FZD7: variants seen among roughly 807,000 people sequenced by gnomAD.
The protein encoded by FZD7 is frizzled-7.
A neutral mutation model predicts 39.0 loss-of-function variants in FZD7; 21 were observed. The ratio of observed to expected loss-of-function variants is 0.54; its 90% confidence interval spans 0.38 to 0.78. FZD7 has a LOEUF of 0.78. Ranked by LOEUF, FZD7 falls within the 30% of genes least tolerant of loss-of-function variation. The pLI, the probability that FZD7 is intolerant of heterozygous loss-of-function variation, is 0.00. For synonymous variants in FZD7, 428 were observed against 364.9 expected (o/e 1.17, Z -1.97); for missense variants, 695 against 805.0 (o/e 0.86, Z 1.65).
In FZD7 at chr2:202,034,001, G is replaced by A. The variant is rs555538310; in HGVS notation, c.-647G>A. 2.6e-5 allele frequency among the ~76,000 whole-genome samples: 4 copies of A among 151,926 alleles called. No homozygotes were observed. In the South Asian group the frequency reaches 8.3e-4, roughly 31 times the overall value. ...GCGGTTTCGGACGCAGTGTGACTGG[G>A]TTTCCAAAAAGAACTCGCCGTGCTC... On this transcript the variant is annotated 5_prime_UTR_variant, in exon 1 of 1. Transcript: ENST00000286201.
At position 202,035,274 on chromosome 2, in the gene FZD7, A is replaced by ATGCCCCCGTCAGCTCAAGG. The variant is rs1688719229; in HGVS notation, c.637_655dup (p.Tyr219SerfsTer15). 1 of 1,605,404 alleles carries ATGCCCCCGTCAGCTCAAGG rather than the reference A, an allele frequency of 6.2e-7. No individual in the cohort carries two copies. The highest frequency in any genetic ancestry group is 1.3e-5 in the African/African-American group (1 of 74,894). ...GGGGGCGTCCCGCCTTCCCCTTCTC[A>ATGCCCCCGTCAGCTCAAGG]TGCCCCCGTCAGCTCAAGGTGCCCC... On this transcript the variant is annotated frameshift_variant, in exon 1 of 1. Transcript: ENST00000286201. LOFTEE classifies it high-confidence loss of function.
At position 202,036,183 on chromosome 2, in the gene FZD7, C is replaced by G. The variant is rs143528185; in HGVS notation, c.1536C>G (p.Ala512=). 2.2e-5 allele frequency: 35 copies of G among 1,613,408 alleles called. No individual in the cohort carries two copies. The highest frequency in any genetic ancestry group is 2.8e-5 in the Non-Finnish European group (33 of 1,180,030). ...TWLLQTCKSY[A]VPCPPGHFPP... The stretch of plus-strand genomic sequence containing the variant: ...TCCTGCAGACGTGCAAGAGCTATGC[C>G]GTGCCCTGCCCGCCCGGCCACTTCC... Residue 512 remains alanine (A), a synonymous_variant, in exon 1 of 1, where the codon GCC becomes GCG. Transcript: ENST00000286201.
Position 202,034,716 on chromosome 2 carries a change from G to A in FZD7, c.69G>A (p.Leu23=). Residue 23 remains leucine, a synonymous_variant, in exon 1 of 1, where the codon CTG becomes CTA. Coordinates refer to ENST00000286201, the MANE Select transcript of FZD7 (RefSeq NM_003507.2). ...TCTGTGCCCTGGTGCTGGCGCTGCT[G>A]GGCGCACTGTCCGCGGGCGCCGGGG... ...LGLCALVLAL[L]GALSAGAGAQ... 6.2e-7 allele frequency: 1 copy of A among 1,610,894 alleles called. No individual in the cohort carries two copies. Among genetic ancestry groups the A allele is most frequent in the Non-Finnish European group, 8.5e-7 (1 of 1,179,588 alleles).
rs1225758862 is a variant in FZD7, at chr2:202,034,664, C to T, written c.17C>T (p.Ala6Val). The T allele has an allele frequency of 6.4e-7, 1 of 1,573,612 alleles. No individual in the cohort carries two copies. The change falls in exon 1 of 1, where the codon GCG (alanine) becomes GTG (valine). Residue 6 changes from alanine (A) to valine (V), a missense_variant. Transcript: ENST00000286201. ...CGGCCGGCGATGCGGGACCCCGGCG[C>T]GGCCGCTCCGCTTTCGTCCCTGGGC... Reference protein sequence around the residue: MRDPGAAAPLSSLGLC... With the variant: MRDPGVAAPLSSLGLC...
chr2:202,034,602 C>G lies in FZD7; in HGVS notation c.-46C>G, dbSNP rs377092100. 1.4e-6 allele frequency: 2 copies of G among 1,473,564 alleles called. No homozygotes were observed. Among genetic ancestry groups the G allele is most frequent in the African/African-American group, 1.5e-5 (1 of 68,510 alleles). 91.3% of individuals were successfully genotyped at this position (1,473,564 alleles called of 1,614,324 possible). A position where few individuals can be genotyped will look rare whatever the true frequency, so the allele number is the denominator to read the frequency against. On this transcript the variant is annotated 5_prime_UTR_variant, in exon 1 of 1. Coordinates refer to ENST00000286201, the MANE Select transcript of FZD7 (RefSeq NM_003507.2). ...GCATCCAAGCCTCTCCCAACCGCCT[C>G]GTCGCACTCCTCAGGCTGAGAGCAC... is the stretch of plus-strand genomic sequence containing the variant.
In FZD7 at chr2:202,034,944, C is replaced by A; in HGVS notation, c.297C>A (p.Arg99=). The change falls in exon 1 of 1, where the codon CGC becomes CGA. Residue 99 remains arginine (R), a synonymous_variant. Coordinates refer to ENST00000286201, the MANE Select transcript of FZD7 (RefSeq NM_003507.2). ...LVKVQCSPEL[R]FFLCSMYAPV... ...AGGTGCAGTGTTCTCCCGAACTCCG[C>A]TTTTTCTTATGCTCCATGTATGCGC... 1.2e-6 allele frequency: 2 copies of A among 1,614,210 alleles called. No homozygotes were observed. Among genetic ancestry groups the A allele is most frequent in the Non-Finnish European group, 1.7e-6 (2 of 1,180,022 alleles).
At position 202,036,181 on chromosome 2, in the gene FZD7, G is replaced by C; in HGVS notation, c.1534G>C (p.Ala512Pro). The C allele has an allele frequency of 6.2e-7, 1 of 1,613,508 alleles. No individual in the cohort carries two copies. Among genetic ancestry groups the C allele is most frequent in the South Asian group, 1.1e-5 (1 of 91,074 alleles). The change falls in exon 1 of 1, where the codon GCC (alanine) becomes CCC (proline). Residue 512 changes from alanine to proline, a missense_variant. By Grantham distance (27) the Ala-to-Pro change is conservative. Transcript: ENST00000286201. ...GCTCCTGCAGACGTGCAAGAGCTATGCCGTGCCCTGCCCGCCCGGCCACTT... is the reference window on the plus strand; with the variant it reads ...GCTCCTGCAGACGTGCAAGAGCTATCCCGTGCCCTGCCCGCCCGGCCACTT... Reference protein sequence around the residue: ...TWLLQTCKSYAVPCPPGHFPP... With the variant: ...TWLLQTCKSYPVPCPPGHFPP...
In FZD7 at chr2:202,035,293, G is replaced by C; in HGVS notation, c.646G>C (p.Val216Leu). The change falls in exon 1 of 1, where the codon GTG becomes CTG. Residue 216 changes from valine (V) to leucine (L), a missense_variant. By Grantham distance (32) the Val-to-Leu change is conservative. Coordinates refer to ENST00000286201, the MANE Select transcript of FZD7 (RefSeq NM_003507.2). ...FPFSCPRQLK[V>L]PPYLGYRFLG... is the part of the protein sequence containing the mutation. ...CTTCTCATGCCCCCGTCAGCTCAAG[G>C]TGCCCCCGTACCTGGGCTACCGCTT... is the stretch of plus-strand genomic sequence containing the variant. 6.2e-7 allele frequency: 1 copy of C among 1,608,632 alleles called. No individual in the cohort carries two copies. Among genetic ancestry groups the C allele is most frequent in the South Asian group, 1.1e-5 (1 of 90,938 alleles).
rs749054651 is a variant in FZD7, at chr2:202,035,794, C to G, written c.1147C>G (p.Leu383Val). 2 of 1,614,164 alleles carry G rather than the reference C, an allele frequency of 1.2e-6. No homozygotes were observed. The highest frequency in any genetic ancestry group is 1.7e-6 in the Non-Finnish European group (2 of 1,180,028). ...AIEANSQYFHLAAWAVPAVKT... is the reference protein window; with the variant it reads ...AIEANSQYFHVAAWAVPAVKT... ...CGAGGCCAACTCGCAGTACTTCCACCTGGCCGCGTGGGCCGTGCCCGCCGT... is the reference window on the plus strand; with the variant it reads ...CGAGGCCAACTCGCAGTACTTCCACGTGGCCGCGTGGGCCGTGCCCGCCGT... Residue 383 changes from leucine to valine, a missense_variant, in exon 1 of 1, where the codon CTG (leucine) becomes GTG (valine). Coordinates refer to ENST00000286201, the MANE Select transcript of FZD7 (RefSeq NM_003507.2).
Position 202,033,906 on chromosome 2 carries a change from C to A in FZD7, c.-742C>A, listed in dbSNP as rs985054112. 2.0e-5 allele frequency among the ~76,000 whole-genome samples: 3 copies of A among 147,526 alleles called. No homozygotes were observed. The highest frequency in any genetic ancestry group is 3.0e-5 in the Non-Finnish European group (2 of 66,614). On this transcript the variant is annotated 5_prime_UTR_variant, in exon 1 of 1. Transcript: ENST00000286201. ...CGGCGGCGGCGGCGGCGGCGGCGGG[C>A]GCCAGGACTCGCTGCTGGGGCTGCG... is the stretch of plus-strand genomic sequence containing the variant.
In FZD7 at chr2:202,037,587, A is replaced by AT. The variant is rs1688766652; in HGVS notation, c.*1222dup. On this transcript the variant is annotated 3_prime_UTR_variant, in exon 1 of 1. Transcript: ENST00000286201. ...AAGCCTATATTTAGGTTTCTTTTCTATTTTTTTCTCCCATTTGGATCCTTT... is the reference window on the plus strand; with the variant it reads ...AAGCCTATATTTAGGTTTCTTTTCTATTTTTTTTCTCCCATTTGGATCCTTT... The AT allele has an allele frequency of 6.0e-6, 1 of 166,184 alleles. No homozygotes were observed. The highest frequency in any genetic ancestry group is 1.5e-5 in the Non-Finnish European group (1 of 67,966). The allele number at this position is 166,184 out of a possible 1,614,324, so 10.3% of individuals were successfully genotyped here.
Position 202,034,283 on chromosome 2 carries a change from G to A in FZD7, c.-365G>A, listed in dbSNP as rs904701929. 2.6e-5 allele frequency among the ~76,000 whole-genome samples: 4 copies of A among 151,618 alleles called. No individual in the cohort carries two copies. Among genetic ancestry groups the A allele is most frequent in the East Asian group, 3.9e-4 (2 of 5,138 alleles). On this transcript the variant is annotated 5_prime_UTR_variant, in exon 1 of 1. Transcript: ENST00000286201. ...GCGTGCGCGCTGCGGTGCGCCGGGG[G>A]TCCAGAGTCTTGGGCAAACTTTGAA...
chr2:202,035,353 C>T lies in FZD7; in HGVS notation c.706C>T (p.Pro236Ser). The T allele has an allele frequency of 1.2e-6, 2 of 1,612,592 alleles. No homozygotes were observed. The highest frequency in any genetic ancestry group is 8.5e-7 in the Non-Finnish European group (1 of 1,179,810). The change falls in exon 1 of 1, where the codon CCG becomes TCG. Residue 236 changes from proline (P) to serine (S), a missense_variant. Coordinates refer to ENST00000286201, the MANE Select transcript of FZD7 (RefSeq NM_003507.2). ...GCGCGATTGTGGCGCCCCGTGCGAA[C>T]CGGGCCGTGCCAACGGCCTGATGTA... ...GERDCGAPCE[P>S]GRANGLMYFK...
rs556542493 is a variant in FZD7 at position 202,034,821 on chromosome 2, G to C, written c.174G>C (p.Thr58=). 2 of 1,613,856 alleles carry C rather than the reference G, an allele frequency of 1.2e-6. No homozygotes were observed. Among genetic ancestry groups the C allele is most frequent in the South Asian group, 2.2e-5 (2 of 91,064 alleles). The change falls in exon 1 of 1, where the codon ACG becomes ACC. Residue 58 remains threonine, a synonymous_variant. Coordinates refer to ENST00000286201, the MANE Select transcript of FZD7 (RefSeq NM_003507.2). ...FCQPISIPLC[T]DIAYNQTILP... ...AGCCCATCTCCATCCCGCTGTGCAC[G>C]GACATCGCCTACAACCAGACCATCC...
rs752472428 is a variant in FZD7 at position 202,035,958 on chromosome 2, G to T, written c.1311G>T (p.Thr437=). The change falls in exon 1 of 1, where the codon ACG becomes ACT. Residue 437 remains threonine (T), a synonymous_variant. Transcript: ENST00000286201. ...TGTTCGTCTACCTCTTCATAGGCAC[G>T]TCCTTCTTGCTGGCCGGCTTCGTGT... ...APLFVYLFIG[T]SFLLAGFVSL... 5.0e-6 allele frequency: 8 copies of T among 1,614,076 alleles called. No individual in the cohort carries two copies. The highest frequency in any genetic ancestry group is 6.8e-6 in the Non-Finnish European group (8 of 1,180,016).
chr2:202,036,127 G>T lies in FZD7; in HGVS notation c.1480G>T (p.Ala494Ser). The change falls in exon 1 of 1, where the codon GCC becomes TCC. Residue 494 changes from alanine (A) to serine (S), a missense_variant. Physicochemically the swap from Ala to Ser is moderately conservative, Grantham distance 99. Transcript: ENST00000286201. ...IVLACYFYEQ[A>S]FREHWERTWL... ...CCTGGCCTGCTACTTCTACGAGCAG[G>T]CCTTCCGCGAGCACTGGGAGCGCAC... The T allele has an allele frequency of 6.2e-7, 1 of 1,613,804 alleles. No homozygotes were observed. The highest frequency in any genetic ancestry group is 1.1e-5 in the South Asian group (1 of 91,078).
In FZD7 at chr2:202,035,793, C is replaced by T. The variant is rs1040250400; in HGVS notation, c.1146C>T (p.His382=). ...EAIEANSQYF[H]LAAWAVPAVK... ...TCGAGGCCAACTCGCAGTACTTCCA[C>T]CTGGCCGCGTGGGCCGTGCCCGCCG... The change falls in exon 1 of 1, where the codon CAC becomes CAT. Residue 382 remains histidine, a synonymous_variant. Coordinates refer to ENST00000286201, the MANE Select transcript of FZD7 (RefSeq NM_003507.2). 1.2e-6 allele frequency: 2 copies of T among 1,614,166 alleles called. No individual in the cohort carries two copies. The highest frequency in any genetic ancestry group is 1.7e-6 in the Non-Finnish European group (2 of 1,180,040).
At position 202,034,455 on chromosome 2, in the gene FZD7, G is replaced by A. The variant is rs989470294; in HGVS notation, c.-193G>A. 7 of 344,670 alleles carry A rather than the reference G, an allele frequency of 2.0e-5. No homozygotes were observed. The highest frequency in any genetic ancestry group is 3.6e-5 in the Non-Finnish European group (7 of 195,682). The allele number at this position is 344,670 out of a possible 1,614,324, so 21.4% of individuals were successfully genotyped here. ...GGCGGCCCTGCGAGTGCAGGGCGGC[G>A]GCGTCTGCGGCGCCTTCGCGGCGCG... is the stretch of plus-strand genomic sequence containing the variant. On this transcript the variant is annotated 5_prime_UTR_variant, in exon 1 of 1. Coordinates refer to ENST00000286201, the MANE Select transcript of FZD7 (RefSeq NM_003507.2).
At position 202,033,941 on chromosome 2, in the gene FZD7, A is replaced by C. The variant is rs909345438; in HGVS notation, c.-707A>C. ...CGCTGCTGGGGCTGCGAGGGGCTGG[A>C]GGGGCCGGGGCCAGGCCGCGGGCAC... On this transcript the variant is annotated 5_prime_UTR_variant, in exon 1 of 1. Transcript: ENST00000286201. Among the ~76,000 whole-genome samples the C allele has an allele frequency of 1.2e-4, 18 of 146,760 alleles. No homozygotes were observed. Among genetic ancestry groups the C allele is most frequent in the Non-Finnish European group, 1.5e-4 (10 of 66,708 alleles).
Sources: allele counts gnomAD v4.1 joint callset (sites outside exome capture counted in the v4.1 genomes callset), GRCh38; gene constraint gnomAD v4.1.1; transcripts MANE v1.5; gene names NCBI Gene and HGNC (gene_info 2026-07-23, HGNC 2026-07-21).